COL28A1: variants seen among roughly 807,000 people sequenced by gnomAD.
COL28A1 encodes collagen alpha-1(XXVIII) chain.
In COL28A1, 161 loss-of-function variants were observed where a neutral mutation model predicts 150.2. The observed-to-expected ratio is 1.07, with a 90% CI of 0.94 to 1.22. The LOEUF (loss-of-function observed/expected upper bound fraction) is 1.22, where lower values mean the gene tolerates loss of function less well. Ranked by LOEUF, COL28A1 falls within the 50% of genes most tolerant of loss-of-function variation. COL28A1 has a pLI of 0.00. For synonymous variants in COL28A1, 552 were observed against 469.7 expected, an observed-to-expected ratio of 1.18 and a Z score of -2.26; for missense variants, 1,617 against 1,388.3, an observed-to-expected ratio of 1.16 and a Z score of -2.62.
chr7:7,523,087 A>G (rs1377970228), intron 4 of COL28A1, among the ~76,000 whole-genome samples: 1 of 152,170 alleles, frequency 6.6e-6, no homozygotes, highest in East Asian at 1.9e-4. Flanking sequence ...TTCCACAGGT[A>G]TAAAATAAAA....
At chr7:7,415,544 T>G (rs1784027023) in intron 27 of COL28A1, among the ~76,000 whole-genome samples, 1 of 152,130 alleles carries the variant, frequency 6.6e-6, no homozygotes, top group African/African-American at 2.4e-5. Flanking sequence ...TTGTTTTGTT[T>G]GTTTTTTGAG....
chr7:7,460,030 T>C (rs1178046694), intron 15 of COL28A1, among the ~76,000 whole-genome samples: 1 of 152,246 alleles, frequency 6.6e-6, no homozygotes, highest in Non-Finnish European at 1.5e-5. Context: ...ATGAGATTCA[T>C]TAAATACTCA....
chr7:7,412,865 G>C lies in COL28A1; in HGVS notation c.2136+4994C>G, dbSNP rs112582322. On this transcript the variant is annotated intron_variant, in intron 27 of 34. Transcript: ENST00000399429. The stretch of plus-strand genomic sequence containing the variant: ...CCCATTTTAAAGATTAGTAAGCTGA[G>C]ATTCAACAAAGATAAATGATTTGTC... 4.3e-4 allele frequency among the ~76,000 whole-genome samples: 66 copies of C among 152,174 alleles called. 4 individuals carry two copies. The highest frequency in any genetic ancestry group is 1.6e-3 in the African/African-American group (66 of 41,446).
At chr7:7,492,571 T>G (rs1583495813) in intron 11 of COL28A1, among the ~76,000 whole-genome samples, 3 of 119,644 alleles carry the variant, frequency 2.5e-5, no homozygotes, top group Admixed American at 1.1e-4. Flanking sequence ...GGCAACAGAG[T>G]GAGACTCCGT....
intron 26 of COL28A1, among the ~76,000 whole-genome samples, chr7:7,418,856 T>G (rs10255190): frequency 0.17 from 25,806 of 152,100 alleles, 2,706 homozygotes; most frequent in African/African-American, 0.29. Context: ...TTCATCCATT[T>G]AAAGTGATCT....
intron 31 of COL28A1, among the ~76,000 whole-genome samples, chr7:7,374,076 G>A (rs921234968): frequency 4.3e-5 from 6 of 139,038 alleles, no homozygotes; most frequent in South Asian, 4.6e-4. Context: ...GAAAAACACC[G>A]TAGTTGATAA....
At chr7:7,458,825 G>C (rs1042868311) in intron 15 of COL28A1, among the ~76,000 whole-genome samples, 2 of 150,768 alleles carry the variant, frequency 1.3e-5, no homozygotes, top group Non-Finnish European at 1.5e-5. Flanking sequence ...ATAGCCACTA[G>C]CCAAAACCCA....
At chr7:7,381,007 T>C (rs967874452) in intron 28 of COL28A1, 145 bp from the exon 29 acceptor site, 2 of 667,148 alleles carry the variant, frequency 3.0e-6, no homozygotes, top group Non-Finnish European at 5.2e-6. Flanking sequence ...TGAAAAAAAA[T>C]TGGGGGTAAC....
intron 5 of COL28A1, among the ~76,000 whole-genome samples, chr7:7,521,030 T>C (rs1374606466): frequency 1.3e-5 from 2 of 152,196 alleles, no homozygotes; most frequent in African/African-American, 4.8e-5. Context: ...GTAAAATTTG[T>C]CACATTCTAA....
chr7:7,417,183 C>A (rs1050727467), intron 27 of COL28A1, among the ~76,000 whole-genome samples: 1 of 151,764 alleles, frequency 6.6e-6, no homozygotes, highest in Non-Finnish European at 1.5e-5. Context: ...ACATGAGAGA[C>A]CCTGAGAGTC....
At chr7:7,365,322 G>A (rs961081408) in intron 33 of COL28A1, among the ~76,000 whole-genome samples, 1 of 141,852 alleles carries the variant, frequency 7.0e-6, no homozygotes, top group African/African-American at 2.5e-5. Context: ...CAGCCACACT[G>A]GCCTGCCTTG....
chr7:7,447,989 C>T (rs1248192935), intron 18 of COL28A1, among the ~76,000 whole-genome samples: 2 of 152,106 alleles, frequency 1.3e-5, no homozygotes, highest in Non-Finnish European at 2.9e-5. Flanking sequence ...ATCTCTTGAA[C>T]CCAGGAGGCA....
chr7:7,436,392 T>C lies in COL28A1; in HGVS notation c.1860+3A>G. 7.8e-7 allele frequency: 1 copy of C among 1,284,552 alleles called. No individual in the cohort carries two copies. Among genetic ancestry groups the C allele is most frequent in the Non-Finnish European group, 1.1e-6 (1 of 878,866 alleles). The allele number at this position is 1,284,552 out of a possible 1,614,324, so 79.6% of individuals were successfully genotyped here. A position where few individuals can be genotyped will look rare whatever the true frequency, so the allele number is the denominator to read the frequency against. ...AAACAAAAAGAACATGAATAAAGCA[T>C]ACCTTTGGTCCTCGAATAGAAAGTC... is the stretch of plus-strand genomic sequence containing the variant. On this transcript the variant is annotated splice_donor_region_variant and intron_variant, in intron 23 of 34. Coordinates refer to ENST00000399429, the MANE Select transcript of COL28A1 (RefSeq NM_001037763.3).
At chr7:7,489,540 C>T in intron 12 of COL28A1, 83 bp from the exon 13 acceptor site, 1 of 821,376 alleles carries the variant, frequency 1.2e-6, no homozygotes. Flanking sequence ...AAGATTTCAA[C>T]AAGGATAAAT....
At chr7:7,445,639 G>C (rs1196447792) in intron 18 of COL28A1, among the ~76,000 whole-genome samples, 1 of 151,996 alleles carries the variant, frequency 6.6e-6, no homozygotes, top group East Asian at 1.9e-4. Flanking sequence ...CCTTTAAAAT[G>C]TTCAGGAAAA....
chr7:7,413,048 T>C (rs2128304891), intron 27 of COL28A1, among the ~76,000 whole-genome samples: 1 of 152,170 alleles, frequency 6.6e-6, no homozygotes. Context: ...TTTCACTCTA[T>C]TTATGGGCTT....
At chr7:7,369,885 A>G (rs1781126499) in intron 33 of COL28A1, among the ~76,000 whole-genome samples, 1 of 152,174 alleles carries the variant, frequency 6.6e-6, no homozygotes, top group East Asian at 1.9e-4. Context: ...TACTGAGCTT[A>G]CAGAACAGGG....
chr7:7,507,691 T>A (rs1780888663), intron 9 of COL28A1, among the ~76,000 whole-genome samples: 1 of 152,208 alleles, frequency 6.6e-6, no homozygotes, highest in Non-Finnish European at 1.5e-5. Flanking sequence ...ATAGTCTAGT[T>A]TTTATTTCCC....
At chr7:7,350,191 G>A in the COL28A1 span, among the ~76,000 whole-genome samples, 1 of 152,052 alleles carries the variant, frequency 6.6e-6, no homozygotes, top group Non-Finnish European at 1.5e-5. Flanking sequence ...ACAGTCTCAG[G>A]GTGGAGAGGA....
Sources: allele counts gnomAD v4.1 joint callset (sites outside exome capture counted in the v4.1 genomes callset), GRCh38; gene constraint gnomAD v4.1.1; transcripts MANE v1.5; gene names NCBI Gene and HGNC (gene_info 2026-07-23, HGNC 2026-07-21).